ST3GAL1: variants seen among roughly 807,000 people sequenced by gnomAD.
ST3GAL1 encodes the protein ST3 beta-galactoside alpha-2,3-sialyltransferase 1, also known as CMP-N-acetylneuraminate-beta-galactosamide-alpha-2,3-sialyltransferase 1.
In ST3GAL1, 16 loss-of-function variants were observed where a neutral mutation model predicts 34.1. The observed-to-expected ratio is 0.47, with a 90% CI of 0.32 to 0.71. The LOEUF is 0.71. Ranked by LOEUF, ST3GAL1 falls within the 30% of genes least tolerant of loss-of-function variation. The pLI, the probability that ST3GAL1 is intolerant of heterozygous loss-of-function variation, is 0.04. For synonymous variants in ST3GAL1, 191 were observed against 184.7 expected (o/e 1.03, Z -0.28); for missense variants, 353 against 447.4 (o/e 0.79, Z 1.90).
At chr8:133,540,001 G>GCCA (rs1199212517) in intron 2 of ST3GAL1, among the ~76,000 whole-genome samples, 8 of 152,214 alleles carry the variant, frequency 5.3e-5, no homozygotes, top group African/African-American at 1.9e-4. Context: ...CCAAGTGCCA[G>GCCA]TGAGCTGGAA....
rs1331482515 is a variant in ST3GAL1 at position 133,541,078 on chromosome 8, TAGAC to T, written c.-429+4692_-429+4695del. 1.5e-3 allele frequency among the ~76,000 whole-genome samples: 144 copies of T among 95,254 alleles called. 11 individuals are homozygous for T. Among genetic ancestry groups the T allele is most frequent in the Non-Finnish European group, 1.8e-3 (91 of 50,146 alleles). 62.5% of individuals were successfully genotyped at this position (95,254 alleles called of 152,430 possible). On this transcript the variant is annotated intron_variant, in intron 2 of 9. Coordinates refer to ENST00000522652, the MANE Select transcript of ST3GAL1 (RefSeq NM_173344.3). ...AGACATATATATATAGACATATATA[TAGAC>T]ATATATATATAAACATATATATATA... is the stretch of plus-strand genomic sequence containing the variant.
intron 5 of ST3GAL1, among the ~76,000 whole-genome samples, chr8:133,472,549 C>T (rs886205460): frequency 6.6e-6 from 1 of 152,232 alleles, no homozygotes; most frequent in Admixed American, 6.5e-5. Flanking sequence ...AGAGCAATGG[C>T]GCAGCCTGGA....
chr8:133,523,926 G>A (rs775118982), intron 2 of ST3GAL1, among the ~76,000 whole-genome samples: 41 of 152,254 alleles, frequency 2.7e-4, no homozygotes, highest in Middle Eastern at 6.8e-3. Context: ...GTCCTTCGGG[G>A]AGCTTCTGAC....
rs1468724052 is a variant in ST3GAL1 at position 133,545,865 on chromosome 8, G to A, written c.-520C>T. ...CATTTGCTCACTGCAGCTCTTGGGG[G>A]TGTTAATTTCCTCTCATTGACATTT... On this transcript the variant is annotated 5_prime_UTR_variant, in exon 2 of 10. Transcript: ENST00000522652. 2 of 152,240 alleles carry A rather than the reference G, an allele frequency of 1.3e-5. No homozygotes were observed. The highest frequency in any genetic ancestry group is 3.8e-4 in the East Asian group (2 of 5,206). 9.4% of individuals were successfully genotyped at this position (152,240 alleles called of 1,614,324 possible).
chr8:133,516,688 C>A (rs973972780), intron 2 of ST3GAL1, among the ~76,000 whole-genome samples: 1 of 152,200 alleles, frequency 6.6e-6, no homozygotes, highest in African/African-American at 2.4e-5. Context: ...GCTGGCAGGG[C>A]AGCAATTATA....
chr8:133,541,030 T>G (rs1183064932), intron 2 of ST3GAL1, among the ~76,000 whole-genome samples: 4 of 129,672 alleles, frequency 3.1e-5, no homozygotes, highest in African/African-American at 1.2e-4. Flanking sequence ...GACATATATA[T>G]AGACATATAT....
At chr8:133,555,132 G>T (rs898185765) in intron 1 of ST3GAL1, among the ~76,000 whole-genome samples, 1 of 152,154 alleles carries the variant, frequency 6.6e-6, no homozygotes, top group Non-Finnish European at 1.5e-5. Context: ...GGCCACCCCC[G>T]CGGGGGACTG....
intron 8 of ST3GAL1, 128 bp downstream of exon 8, chr8:133,463,286 G>T: frequency 9.7e-7 from 1 of 1,026,026 alleles, no homozygotes; most frequent in South Asian, 1.4e-5. Context: ...GGATAGCTAA[G>T]TGGGAGATGC....
chr8:133,540,820 T>G lies in ST3GAL1; in HGVS notation c.-429+4954A>C, dbSNP rs1292557199. Among the ~76,000 whole-genome samples the G allele has an allele frequency of 1.1e-4, 12 of 106,162 alleles. 1 individual carries two copies. Among genetic ancestry groups the G allele is most frequent in the African/African-American group, 3.4e-4 (11 of 32,400 alleles). 69.6% of individuals were successfully genotyped at this position (106,162 alleles called of 152,430 possible). On this transcript the variant is annotated intron_variant, in intron 2 of 9. Transcript: ENST00000522652. ...ACATATATATAGAGAGACATATATA[T>G]ATAGACATATATATAGAGAGACATA... is the stretch of plus-strand genomic sequence containing the variant.
In ST3GAL1 at chr8:133,459,693, G is replaced by A. The variant is rs539490346; in HGVS notation, c.*71C>T. ...GCCCCTCCAAGCTCCGGGATGGAAC[G>A]GCTCCAGCAAGATGCTGGGGCTGGA... On this transcript the variant is annotated 3_prime_UTR_variant, in exon 10 of 10. Transcript: ENST00000522652. This position sits in a 1 kb window ranked among gnomAD's most constrained non-coding sequence, Gnocchi z 4.7. 1.3e-4 allele frequency: 192 copies of A among 1,521,256 alleles called. No homozygotes were observed. Among genetic ancestry groups the A allele is most frequent in the Non-Finnish European group, 1.6e-4 (183 of 1,126,920 alleles). 94.2% of individuals were successfully genotyped at this position (1,521,256 alleles called of 1,614,324 possible).
chr8:133,549,275 G>A (rs552070373), intron 1 of ST3GAL1, among the ~76,000 whole-genome samples: 6 of 152,114 alleles, frequency 3.9e-5, no homozygotes, highest in Admixed American at 2.0e-4. Context: ...GGTGGCACAC[G>A]CCTGTAATCC....
At chr8:133,513,737 T>C (rs571850979) in intron 2 of ST3GAL1, among the ~76,000 whole-genome samples, 3 of 151,792 alleles carry the variant, frequency 2.0e-5, no homozygotes, top group East Asian at 1.9e-4. Flanking sequence ...CTACTAAAAA[T>C]ACAAAAATAA....
intron 1 of ST3GAL1, among the ~76,000 whole-genome samples, chr8:133,562,160 G>A (rs894531261): frequency 6.6e-6 from 1 of 151,286 alleles, no homozygotes; most frequent in South Asian, 2.1e-4. Flanking sequence ...GGAGGCAGAG[G>A]CCCATGTGAC....
chr8:133,561,790 G>A lies in ST3GAL1; in HGVS notation c.-582+9903C>T, dbSNP rs536429961. Among the ~76,000 whole-genome samples, 3 of 152,208 alleles carry A rather than the reference G, an allele frequency of 2.0e-5. No individual in the cohort carries two copies. The South Asian group carries it at 6.2e-4, about 32-fold the overall frequency. ...TAGATCTGCCATTTCCCAGACACTC[G>A]ACCAGATGTTGATCAAGTCAACTCA... On this transcript the variant is annotated intron_variant, in intron 1 of 9. Coordinates refer to ENST00000522652, the MANE Select transcript of ST3GAL1 (RefSeq NM_173344.3).
At chr8:133,481,098 G>A (rs987361892) in intron 3 of ST3GAL1, among the ~76,000 whole-genome samples, 17 of 152,096 alleles carry the variant, frequency 1.1e-4, no homozygotes, top group Non-Finnish European at 5.9e-5. Context: ...TATTTTCTCG[G>A]TTGCTCTTTC....
chr8:133,513,020 G>A (rs1212016212), intron 2 of ST3GAL1, among the ~76,000 whole-genome samples: 2 of 152,284 alleles, frequency 1.3e-5, no homozygotes, highest in Middle Eastern at 6.8e-3. Flanking sequence ...GGTCTCACCT[G>A]GGGTCTCACT....
chr8:133,506,747 T>C (rs956200880), intron 2 of ST3GAL1, among the ~76,000 whole-genome samples: 2 of 150,600 alleles, frequency 1.3e-5, no homozygotes, highest in Admixed American at 1.3e-4. Context: ...ATCGTGCCAT[T>C]GCACTCCAGC....
At chr8:133,460,474 G>A (rs566949735) in intron 9 of ST3GAL1, among the ~76,000 whole-genome samples, 26 of 152,372 alleles carry the variant, frequency 1.7e-4, no homozygotes, top group Middle Eastern at 3.4e-3. Context: ...TTTCTTCTCT[G>A]TGGCCAACAT....
chr8:133,477,543 G>C (rs1816225346), intron 3 of ST3GAL1, among the ~76,000 whole-genome samples: 1 of 145,310 alleles, frequency 6.9e-6, no homozygotes, highest in Admixed American at 6.9e-5. Flanking sequence ...GGGGGACCAG[G>C]AACAGGGGGT....
Sources: allele counts gnomAD v4.1 joint callset (sites outside exome capture counted in the v4.1 genomes callset), GRCh38; gene constraint gnomAD v4.1.1; non-coding constraint Gnocchi (gnomAD v3.1); transcripts MANE v1.5; gene names NCBI Gene and HGNC (gene_info 2026-07-23, HGNC 2026-07-21).